Variants in KCNN2 observed in about 807,000 individuals in gnomAD.
KCNN2 encodes the protein small conductance calcium-activated potassium channel protein 2.
Under a neutral mutation model 55.5 loss-of-function variants are expected in KCNN2, and 24 were observed. The observed-to-expected ratio is 0.43, with a 90% confidence interval of 0.31 to 0.61. The LOEUF (loss-of-function observed/expected upper bound fraction) is 0.61. Among genes scored for constraint, KCNN2 ranks in the 20% least tolerant of loss-of-function variants. KCNN2 has a pLI of 0.08. For synonymous variants in KCNN2, 431 were observed against 336.1 expected, an observed-to-expected ratio of 1.28 and a Z score of -3.09; for missense variants, 754 against 853.6, an observed-to-expected ratio of 0.88 and a Z score of 1.45.
chr5:114,321,108 G>C (rs114419297), intron 2 of KCNN2, among the ~76,000 whole-genome samples: 96 of 152,250 alleles, frequency 6.3e-4, no homozygotes, highest in African/African-American at 2.0e-3. Context: ...TGCATAGAGA[G>C]GTCCTTTTAG....
At chr5:114,361,249 G>T (rs1384889114), upstream of KCNN2, 1 of 152,216 alleles carries the variant, frequency 6.6e-6, no homozygotes, top group Non-Finnish European at 1.5e-5. Context: ...CCCCTCCTCC[G>T]GCCCCGCCCC....
chr5:114,298,180 C>T (rs186801127), intron 2 of KCNN2, among the ~76,000 whole-genome samples: 13 of 152,324 alleles, frequency 8.5e-5, no homozygotes, highest in Non-Finnish European at 1.6e-4. Flanking sequence ...CCAGCAGACA[C>T]TGGCAAAGAA....
intron 2 of KCNN2, among the ~76,000 whole-genome samples, chr5:114,336,495 G>A (rs981483064): frequency 6.6e-6 from 1 of 152,188 alleles, no homozygotes; most frequent in Non-Finnish European, 1.5e-5. Context: ...CTAAGTTCAT[G>A]TGCATCACTG....
chr5:114,082,405 T>G (rs76987828), intron 1 of KCNN2, among the ~76,000 whole-genome samples: 37 of 151,892 alleles, frequency 2.4e-4, no homozygotes, highest in African/African-American at 8.7e-4. Flanking sequence ...GTATATTACC[T>G]GAAACCCATT....
chr5:114,139,660 A>G (rs534647550), intron 1 of KCNN2, among the ~76,000 whole-genome samples: 8 of 151,292 alleles, frequency 5.3e-5, no homozygotes, highest in Non-Finnish European at 1.2e-4. Context: ...ACTTTCATGA[A>G]CAACTTCCCC....
chr5:114,384,992 C>G (rs1025142216), intron 2 of KCNN2, among the ~76,000 whole-genome samples: 34 of 152,278 alleles, frequency 2.2e-4, no homozygotes, highest in African/African-American at 7.5e-4. Flanking sequence ...ATGTACAGAT[C>G]TGTCCCTGTC....
chr5:114,341,514 A>T lies in KCNN2; in HGVS notation c.-184-19431A>T, dbSNP rs567391031. Among the ~76,000 whole-genome samples the T allele has an allele frequency of 2.5e-3, 378 of 152,226 alleles. 2 individuals are homozygous for T. Among genetic ancestry groups the T allele is most frequent in the African/African-American group, 8.7e-3 (363 of 41,534 alleles). The stretch of plus-strand genomic sequence containing the variant: ...AACTTGCTTAGCATATCACAACCAG[A>T]TTATCACTAACTCCTGTTTGATGTC... On this transcript the variant is annotated intron_variant, in intron 2 of 10. Coordinates refer to the KCNN2 transcript ENST00000512097.
chr5:114,294,955 G>C (rs1433104708), intron 2 of KCNN2, among the ~76,000 whole-genome samples: 1 of 152,086 alleles, frequency 6.6e-6, no homozygotes, highest in Non-Finnish European at 1.5e-5. Context: ...TTTGATCTTT[G>C]TTGATTTAAA....
intron 1 of KCNN2, among the ~76,000 whole-genome samples, chr5:114,057,920 G>A (rs1385471854): frequency 2.6e-5 from 4 of 152,242 alleles, no homozygotes; most frequent in Admixed American, 2.6e-4. Flanking sequence ...TGAAGAAGAT[G>A]TGGGTCCAAA....
At position 114,125,480 on chromosome 5, in the gene KCNN2, C is replaced by A. The variant is rs144710459; in HGVS notation, c.-271+68980C>A. ...TGTTGCTCCCATGTATATTCTAAAG[C>A]AAGTAGGAAAGCTCTCCACTTTTAT... On this transcript the variant is annotated intron_variant, in intron 1 of 10. Coordinates refer to the KCNN2 transcript ENST00000512097. 6.4e-3 allele frequency among the ~76,000 whole-genome samples: 969 copies of A among 152,220 alleles called. 17 individuals carry two copies. Among genetic ancestry groups the A allele is most frequent in the Non-Finnish European group, 4.9e-3 (331 of 68,000 alleles).
At chr5:114,410,189 G>C (rs932653656) in intron 3 of KCNN2, among the ~76,000 whole-genome samples, 1 of 152,186 alleles carries the variant, frequency 6.6e-6, no homozygotes, top group Non-Finnish European at 1.5e-5. Context: ...GAAGAAACCT[G>C]AAACTCAGAG....
intron 2 of KCNN2, among the ~76,000 whole-genome samples, chr5:114,302,463 T>G (rs1191701427): frequency 6.6e-6 from 1 of 152,174 alleles, no homozygotes. Context: ...GTAGGAGAGC[T>G]ACCTGGAATA....
chr5:114,493,554 A>G, intron 7 of KCNN2, 82 bp downstream of exon 7: 1 of 962,148 alleles, frequency 1.0e-6, no homozygotes, highest in Non-Finnish European at 1.7e-6. Flanking sequence ...ATGTTTCAAG[A>G]GGATCCCAAC....
intron 2 of KCNN2, among the ~76,000 whole-genome samples, chr5:114,280,477 A>G (rs967611849): frequency 2.6e-5 from 4 of 152,126 alleles, no homozygotes; most frequent in African/African-American, 9.7e-5. Flanking sequence ...TAATTTTTGT[A>G]TAAGGTGTAA....
At chr5:114,412,941 C>CT (rs1481391009) in intron 3 of KCNN2, among the ~76,000 whole-genome samples, 8 of 152,188 alleles carry the variant, frequency 5.3e-5, no homozygotes, top group Non-Finnish European at 8.8e-5. Flanking sequence ...CAAGTAAACT[C>CT]TAAGTATTTC....
chr5:114,361,896 C>G (rs747319099), upstream of KCNN2: 1 of 153,216 alleles, frequency 6.5e-6, no homozygotes, highest in African/African-American at 2.4e-5. Context: ...ATTCCCCTCC[C>G]CATCTTTCTC....
intron 2 of KCNN2, among the ~76,000 whole-genome samples, chr5:114,371,117 G>C: frequency 6.6e-6 from 1 of 152,192 alleles, no homozygotes; most frequent in East Asian, 1.9e-4. Flanking sequence ...GATGATTGAT[G>C]GGGTTCTGGT....
At chr5:114,485,547 A>T (rs1284048493) in intron 5 of KCNN2, among the ~76,000 whole-genome samples, 1 of 152,168 alleles carries the variant, frequency 6.6e-6, no homozygotes, top group Non-Finnish European at 1.5e-5. Flanking sequence ...AGGAAGTGGA[A>T]GTATGAAGAT....
intron 1 of KCNN2, among the ~76,000 whole-genome samples, chr5:114,147,278 G>A (rs188261276): frequency 1.5e-5 from 2 of 136,278 alleles, no homozygotes; most frequent in Non-Finnish European, 3.1e-5. Context: ...TATCAATAGT[G>A]CCAGTGAAGT....
Sources: gnomAD v4.1 joint callset for allele counts (sites outside exome capture counted in the v4.1 genomes callset) on GRCh38, gnomAD v4.1.1 for gene constraint, MANE v1.5 for transcripts, NCBI Gene and HGNC (gene_info 2026-07-23, HGNC 2026-07-21) for gene names.